Variants in SCN7A observed in about 807,000 individuals in gnomAD.
SCN7A encodes the protein sodium voltage-gated channel alpha subunit 7.
In SCN7A, 138 loss-of-function variants were observed where a neutral mutation model predicts 155.2. That is an observed-to-expected ratio of 0.89 (90% confidence interval 0.77 to 1.02). The LOEUF (loss-of-function observed/expected upper bound fraction) is 1.02, where lower values mean the gene tolerates loss of function less well. Among genes scored for constraint, SCN7A ranks in the 50% least tolerant of loss-of-function variants. The pLI is 0.00. For missense variants in SCN7A, 2,058 were observed against 1,986.6 expected (o/e 1.04, Z -0.68); for synonymous variants, 693 against 649.0 (o/e 1.07, Z -1.03).
intron 21 of SCN7A, chr2:166,414,607 G>A (rs913788645): frequency 7.0e-6 from 1 of 143,108 alleles, no homozygotes; most frequent in Non-Finnish European, 1.5e-5. Context: ...TGGGTACATG[G>A]GCATGGTCTG....
At chr2:166,492,960 G>C (rs2593529) in intron 1 of SCN7A, among the ~76,000 whole-genome samples, 131,293 of 152,214 alleles carry the variant, frequency 0.86, 56,763 homozygotes, top group East Asian at 0.99. Context: ...CCAAAGACTT[G>C]TTCATTGGAC....
At chr2:166,457,187 A>T (rs993006336) in intron 10 of SCN7A, 111 bp from the exon 11 acceptor site, 2 of 728,890 alleles carry the variant, frequency 2.7e-6, no homozygotes, top group Admixed American at 5.8e-5. Context: ...TATAGTCATA[A>T]ATGGAATGTA....
chr2:166,445,114 G>A (rs7607570), intron 12 of SCN7A, 114 bp from the exon 13 acceptor site: 11 of 641,952 alleles, frequency 1.7e-5, no homozygotes, highest in African/African-American at 3.7e-5. Flanking sequence ...TCAGGAGTTC[G>A]AGACCAGCCT....
At chr2:166,480,755 G>C (rs1010026266) in intron 2 of SCN7A, among the ~76,000 whole-genome samples, 1 of 152,074 alleles carries the variant, frequency 6.6e-6, no homozygotes, top group Non-Finnish European at 1.5e-5. Context: ...AAATTTTCTG[G>C]GTGAAGGACT....
At chr2:166,412,378 G>A (rs1004788106) in intron 23 of SCN7A, among the ~76,000 whole-genome samples, 152 bp downstream of exon 23, 1 of 151,968 alleles carries the variant, frequency 6.6e-6, no homozygotes, top group Non-Finnish European at 1.5e-5. Context: ...TCAATGTGCA[G>A]GAACATTAAT....
chr2:166,490,848 A>G (rs186088004), intron 1 of SCN7A, among the ~76,000 whole-genome samples: 2 of 152,288 alleles, frequency 1.3e-5, no homozygotes, highest in Admixed American at 6.5e-5. Flanking sequence ...CAAATGTGAA[A>G]CCAAACATAT....
Position 166,470,264 on chromosome 2 carries a change from AAAAG to A in SCN7A, c.664+347_664+350del, listed in dbSNP as rs200791894. On this transcript the variant is annotated intron_variant, in intron 7 of 25. Coordinates refer to ENST00000643258, the MANE Select transcript of SCN7A (RefSeq NM_002976.4). ...CAACTGGTTTCTTGATAAAATGAGG[AAAAG>A]AAAGAGGCAGATTAGACATCTGTCT... Among the ~76,000 whole-genome samples, 922 of 151,958 alleles carry A rather than the reference AAAAG, an allele frequency of 6.1e-3. 4 individuals are homozygous for A. Among genetic ancestry groups the A allele is most frequent in the African/African-American group, 0.021 (884 of 41,530 alleles).
rs1702728261 is a variant in SCN7A, at chr2:166,474,264, A to G, written c.315T>C (p.Asn105=). The G allele has an allele frequency of 2.0e-6, 3 of 1,523,538 alleles. No individual in the cohort carries two copies. Among genetic ancestry groups the G allele is most frequent in the East Asian group, 2.5e-5 (1 of 40,146 alleles). 94.4% of individuals were successfully genotyped at this position (1,523,538 alleles called of 1,614,324 possible). The change falls in exon 4 of 26, where the codon AAT becomes AAC. Residue 105 remains asparagine (N), a synonymous_variant. Transcript: ENST00000643258. ...ASILCTLSPF[N]CIRRTTIKVL... is the part of the protein sequence containing the mutation. The stretch of plus-strand genomic sequence containing the variant: ...CCTTGATAGTTGTTCTTCTAATACA[A>G]TTGAAAGGAGACAATGTACACAAGA...
rs370494868 is a variant in SCN7A, at chr2:166,447,733, T to C, written c.1291-25A>G. The C allele has an allele frequency of 6.5e-6, 10 of 1,535,828 alleles. No individual in the cohort carries two copies. The Admixed American group carries it at 6.7e-5, about 10-fold the overall frequency. On this transcript the variant is annotated intron_variant, in intron 11 of 25. Transcript: ENST00000643258. ...CCTGAAAAGGAATTTGATGGTTTAA[T>C]ACTGGCTTCCTGTCTTTGCAGGTCC...
chr2:166,477,615 T>C lies in SCN7A; in HGVS notation c.82A>G (p.Thr28Ala), dbSNP rs1702829089. ...FELIKQHIAK[T>A]HNEDHEEEDL... The stretch of plus-strand genomic sequence containing the variant: ...TCTTCTTCATGGTCTTCATTATGTG[T>C]TTTAGCAATATGCTGTTTTATAAGT... The change falls in exon 3 of 26, where the codon ACA becomes GCA. Residue 28 changes from threonine (T) to alanine (A), a missense_variant. Coordinates refer to ENST00000643258, the MANE Select transcript of SCN7A (RefSeq NM_002976.4). 6.2e-7 allele frequency: 1 copy of C among 1,603,030 alleles called. No individual in the cohort carries two copies.
chr2:166,435,738 A>G (rs893638875), intron 15 of SCN7A, among the ~76,000 whole-genome samples: 14 of 152,082 alleles, frequency 9.2e-5, no homozygotes, highest in Admixed American at 9.2e-4. Flanking sequence ...TGTGTCTATG[A>G]TCATATTTTT....
intron 15 of SCN7A, among the ~76,000 whole-genome samples, chr2:166,437,554 C>T (rs1701865375): frequency 6.6e-6 from 1 of 152,106 alleles, no homozygotes; most frequent in Non-Finnish European, 1.5e-5. Context: ...CCTCCAGACC[C>T]CATAATGGTA....
rs1029932198 is a variant in SCN7A, at chr2:166,405,131, A to C, written c.*449T>G. On this transcript the variant is annotated 3_prime_UTR_variant, in exon 26 of 26. Transcript: ENST00000643258. ...CTTCCAATTGGCTTTTGTCTAGGCA[A>C]GTTTATGATTTAATGGCCATTAGCA... The C allele has an allele frequency of 1.3e-5, 2 of 153,320 alleles. No individual in the cohort carries two copies. The highest frequency in any genetic ancestry group is 4.8e-5 in the African/African-American group (2 of 41,452). The allele number at this position is 153,320 out of a possible 1,614,324, so 9.5% of individuals were successfully genotyped here. A position where few individuals can be genotyped will look rare whatever the true frequency, so the allele number is the denominator to read the frequency against.
At position 166,493,112 on chromosome 2, in the gene SCN7A, C is replaced by T. The variant is rs368349937; in HGVS notation, c.-128+856G>A. On this transcript the variant is annotated intron_variant, in intron 1 of 25. Transcript: ENST00000643258. The stretch of plus-strand genomic sequence containing the variant: ...ATGGTGCCCAGGATTCTGTTTATTA[C>T]AGGGCCCACTTTCCTTCTACTTTGC... 4.6e-5 allele frequency among the ~76,000 whole-genome samples: 7 copies of T among 152,266 alleles called. No individual in the cohort carries two copies. The East Asian group carries it at 1.4e-3, about 29-fold the overall frequency.
chr2:166,406,294 GTTGAAAAT>G lies in SCN7A; in HGVS notation c.4327_4334del (p.Ile1443GlnfsTer2), dbSNP rs753515239. ...CAGGATCACAGTCAGACCATTTACT[GTTGAAAAT>G]TGCATCAAGCATCCCATCCCAACCA... On this transcript the variant is annotated frameshift_variant, in exon 26 of 26. Coordinates refer to ENST00000643258, the MANE Select transcript of SCN7A (RefSeq NM_002976.4). LOFTEE classifies it high-confidence loss of function. The G allele has an allele frequency of 6.2e-7, 1 of 1,613,104 alleles. No homozygotes were observed. The highest frequency in any genetic ancestry group is 8.5e-7 in the Non-Finnish European group (1 of 1,179,424).
chr2:166,421,362 A>T, intron 19 of SCN7A, 65 bp from the exon 20 acceptor site: 1 of 949,428 alleles, frequency 1.1e-6, no homozygotes, highest in South Asian at 2.1e-5. Flanking sequence ...CATGTAAAAT[A>T]AACTTTGCAT....
chr2:166,415,223 CTTT>C (rs573283624), intron 21 of SCN7A, among the ~76,000 whole-genome samples: 2 of 135,818 alleles, frequency 1.5e-5, no homozygotes, highest in African/African-American at 5.4e-5. Flanking sequence ...ACTTTTGTCT[CTTT>C]TTTTTTTTTT....
chr2:166,406,739 CT>C, intron 25 of SCN7A, 93 bp from the exon 26 acceptor site: 1 of 855,438 alleles, frequency 1.2e-6, no homozygotes, highest in South Asian at 1.8e-5. Context: ...TTGTTTTTCC[CT>C]GTTTTATTAA....
rs201644759 is a variant in SCN7A at position 166,427,763 on chromosome 2, T to A, written c.2853+25A>T. On this transcript the variant is annotated intron_variant, in intron 18 of 25. Coordinates refer to ENST00000643258, the MANE Select transcript of SCN7A (RefSeq NM_002976.4). ...TGATACATTTGTCCCCAGCAAAGTA[T>A]CAAACACCCTGGCTGCCCACTTACC... The A allele has an allele frequency of 1.7e-4, 276 of 1,591,036 alleles. 1 individual carries two copies. Among genetic ancestry groups the A allele is most frequent in the Admixed American group, 3.3e-4 (19 of 58,450 alleles).
Sources: gnomAD v4.1 joint callset for allele counts (sites outside exome capture counted in the v4.1 genomes callset) on GRCh38, gnomAD v4.1.1 for gene constraint, MANE v1.5 for transcripts, NCBI Gene and HGNC (gene_info 2026-07-23, HGNC 2026-07-21) for gene names.